The following MYH10 variants were observed in gnomAD, a reference collection of about 807,000 sequenced individuals.
MYH10 encodes myosin-10.
MYH10 carries 55 observed loss-of-function variants against 257.8 expected under a neutral mutation model. That is an observed-to-expected ratio of 0.21 (90% CI 0.17 to 0.27). The LOEUF is 0.27. Among genes scored for constraint, MYH10 ranks in the 10% least tolerant of loss-of-function variants. The pLI is 1.00. For synonymous variants in MYH10, 854 were observed against 921.7 expected (o/e 0.93, Z 1.33); for missense variants, 1,631 against 2,500.6 (o/e 0.65, Z 7.42).
chr17:8,492,763 GT>G lies in MYH10; in HGVS notation c.4458+12del, dbSNP rs1173589609. 33 of 1,610,974 alleles carry G rather than the reference GT, an allele frequency of 2.0e-5. No homozygotes were observed. The highest frequency in any genetic ancestry group is 2.4e-5 in the Non-Finnish European group (28 of 1,179,514). ...GAGCTCTGCCAGGAGGAAACGACAC[GT>G]GGCCGACCCACCTGGTCAAACTTCT... On this transcript the variant is annotated intron_variant, in intron 33 of 42. Coordinates refer to ENST00000360416, the MANE Select transcript of MYH10 (RefSeq NM_001256012.3).
intron 35 of MYH10, among the ~76,000 whole-genome samples, chr17:8,487,801 T>C (rs1189895316): frequency 6.6e-6 from 1 of 152,110 alleles, no homozygotes; most frequent in East Asian, 1.9e-4. Context: ...CACCACCACC[T>C]AGTACAAACC....
At chr17:8,601,801 C>T (rs541946076) in intron 3 of MYH10, among the ~76,000 whole-genome samples, 3 of 152,164 alleles carry the variant, frequency 2.0e-5, no homozygotes, top group African/African-American at 7.2e-5. Context: ...TACAGTATCC[C>T]CTAAAATCCA....
chr17:8,586,698 A>C (rs1173994724), intron 4 of MYH10, among the ~76,000 whole-genome samples: 2 of 152,206 alleles, frequency 1.3e-5, no homozygotes, highest in East Asian at 1.9e-4. Context: ...TCATCTAATC[A>C]TAAGTGCTAG....
At chr17:8,575,884 C>A (rs1311173833) in intron 6 of MYH10, among the ~76,000 whole-genome samples, 1 of 152,192 alleles carries the variant, frequency 6.6e-6, no homozygotes, top group East Asian at 1.9e-4. Flanking sequence ...GCTTTTTTCA[C>A]TGCTATGGTC....
chr17:8,493,160 G>C, intron 32 of MYH10, 136 bp from the exon 33 acceptor site: 1 of 947,292 alleles, frequency 1.1e-6, no homozygotes, highest in East Asian at 2.6e-5. Flanking sequence ...AGGAGTTTGA[G>C]ACCAGCCAGG....
intron 37 of MYH10, among the ~76,000 whole-genome samples, chr17:8,483,450 C>T (rs928625779): frequency 5.3e-5 from 8 of 152,136 alleles, no homozygotes; most frequent in East Asian, 3.8e-4. Context: ...CCTAGAGAGC[C>T]GTCCTCCTTT....
At chr17:8,571,364 C>T (rs1839424753) in intron 6 of MYH10, among the ~76,000 whole-genome samples, 2 of 151,008 alleles carry the variant, frequency 1.3e-5, no homozygotes, top group South Asian at 2.1e-4. Flanking sequence ...TTAGTAGAGA[C>T]GGGGTTTCAC....
intron 3 of MYH10, among the ~76,000 whole-genome samples, chr17:8,596,150 T>C (rs958766641): frequency 5.5e-5 from 6 of 108,986 alleles, no homozygotes; most frequent in Non-Finnish European, 1.1e-4. Context: ...ACATATTTTC[T>C]GACTTTTTTT....
At position 8,612,878 on chromosome 17, in the gene MYH10, G is replaced by C. The variant is rs1328161102; in HGVS notation, c.346-7896C>G. ...TCAAAAAAAAAAAAAAATTATCATAGGTATGTATGTATAGGAAAAAACATC... is the reference window on the plus strand; with the variant it reads ...TCAAAAAAAAAAAAAAATTATCATACGTATGTATGTATAGGAAAAAACATC... On this transcript the variant is annotated intron_variant, in intron 2 of 42. Transcript: ENST00000360416. Among the ~76,000 whole-genome samples the C allele has an allele frequency of 3.9e-5, 6 of 151,976 alleles. No homozygotes were observed. In the East Asian group the frequency reaches 7.7e-4, roughly 20 times the overall value.
At chr17:8,491,797 A>G (rs1915816162) in intron 34 of MYH10, among the ~76,000 whole-genome samples, 1 of 152,162 alleles carries the variant, frequency 6.6e-6, no homozygotes, top group South Asian at 2.1e-4. Context: ...GATGTATGCA[A>G]TGGAAAGAAA....
rs1437750858 is a variant in MYH10, at chr17:8,577,220, C to T, written c.633+16G>A. The T allele has an allele frequency of 1.3e-6, 2 of 1,571,116 alleles. No homozygotes were observed. Among genetic ancestry groups the T allele is most frequent in the South Asian group, 1.1e-5 (1 of 87,788 alleles). On this transcript the variant is annotated intron_variant, in intron 5 of 42. Coordinates refer to ENST00000360416, the MANE Select transcript of MYH10 (RefSeq NM_001256012.3). ...AAGAAGAAGAAGATTTAAAAAACAA[C>T]AGAGCAGAAACTTACAGGAATATTA...
At chr17:8,505,304 C>T (rs2081039420) in intron 27 of MYH10, among the ~76,000 whole-genome samples, 1 of 152,178 alleles carries the variant, frequency 6.6e-6, no homozygotes, top group Non-Finnish European at 1.5e-5. Flanking sequence ...ACACCGGAAC[C>T]CAGCCAAACC....
intron 9 of MYH10, among the ~76,000 whole-genome samples, chr17:8,550,449 C>T (rs1301777554): frequency 1.9e-4 from 29 of 150,734 alleles, no homozygotes; most frequent in African/African-American, 6.4e-4. Context: ...CCCCTCCGCC[C>T]GGCAGCCGCC....
intron 9 of MYH10, among the ~76,000 whole-genome samples, chr17:8,549,633 G>T (rs528627627): frequency 6.6e-6 from 1 of 152,286 alleles, no homozygotes; most frequent in South Asian, 2.1e-4. Flanking sequence ...AACTTCTACA[G>T]GGTACTGCCT....
At chr17:8,613,930 A>T (rs953209935) in intron 2 of MYH10, among the ~76,000 whole-genome samples, 1 of 152,192 alleles carries the variant, frequency 6.6e-6, no homozygotes, top group Non-Finnish European at 1.5e-5. Flanking sequence ...CAGACTTTGC[A>T]AGAAAACAAC....
At chr17:8,551,284 ACT>A (rs35776091) in intron 9 of MYH10, among the ~76,000 whole-genome samples, 76,259 of 151,428 alleles carry the variant, frequency 0.5, 20,132 homozygotes, top group Middle Eastern at 0.62. Context: ...CTTGGCAATA[ACT>A]CTATTTTTTT....
intron 4 of MYH10, among the ~76,000 whole-genome samples, chr17:8,583,098 A>C (rs933118696): frequency 1.1e-4 from 17 of 152,208 alleles, no homozygotes; most frequent in African/African-American, 3.6e-4. Flanking sequence ...CTTGGACTCA[A>C]GTCTCCCCTA....
chr17:8,514,992 T>C (rs2081418427), intron 21 of MYH10, among the ~76,000 whole-genome samples: 1 of 152,086 alleles, frequency 6.6e-6, no homozygotes, highest in South Asian at 2.1e-4. Context: ...GTGCTGATGC[T>C]CCACTCCGAC....
Position 8,509,868 on chromosome 17 carries a change from T to C in MYH10, c.3034A>G (p.Lys1012Glu). The change falls in exon 25 of 43, where the codon AAG (lysine) becomes GAG (glutamate). Residue 1012 changes from lysine (K) to glutamate (E), a missense_variant. Physicochemically the swap from Lys to Glu is moderately conservative, Grantham distance 56. Around this residue, in one of 11 missense-constraint regions of MYH10, gnomAD observed 169 missense variants for 249.8 expected, o/e 0.68. Coordinates refer to ENST00000360416, the MANE Select transcript of MYH10 (RefSeq NM_001256012.3). ...LEKVTAEAKI[K>E]KMEEEILLLE... Reference sequence around the variant, plus strand: ...AGCAGAATCTCCTCTTCCATCTTCTTGATCTTGGCCTCTGCTGTCACCTTT... The same window carrying C: ...AGCAGAATCTCCTCTTCCATCTTCTCGATCTTGGCCTCTGCTGTCACCTTT... The C allele has an allele frequency of 6.2e-7, 1 of 1,613,410 alleles. No homozygotes were observed. Among genetic ancestry groups the C allele is most frequent in the East Asian group, 2.2e-5 (1 of 44,802 alleles).
Sources: gnomAD v4.1 joint callset for allele counts (sites outside exome capture counted in the v4.1 genomes callset) on GRCh38, gnomAD v4.1.1 for gene constraint, gnomAD v4.1.1 regional missense constraint, MANE v1.5 for transcripts, NCBI Gene and HGNC (gene_info 2026-07-23, HGNC 2026-07-21) for gene names.